The following RPLP2 variants were observed in gnomAD, a reference collection of about 807,000 sequenced individuals.
The protein encoded by RPLP2 is ribosomal protein lateral stalk subunit P2, also known as large ribosomal subunit protein P2.
Under a neutral mutation model 11.5 loss-of-function variants are expected in RPLP2, and 1 was observed. The observed-to-expected ratio is 0.09, with a 90% CI of 0.03 to 0.41. The LOEUF (loss-of-function observed/expected upper bound fraction) is 0.41, where lower values mean the gene tolerates loss of function less well. Ranked by LOEUF, RPLP2 falls within the 10% of genes least tolerant of loss-of-function variation. The pLI is 0.98. For synonymous variants in RPLP2, 82 were observed against 55.9 expected, an observed-to-expected ratio of 1.47 and a Z score of -2.08; for missense variants, 177 against 145.6, an observed-to-expected ratio of 1.22 and a Z score of -1.11.
In RPLP2 at chr11:810,295, A is replaced by G. The variant is rs1266392992; in HGVS notation, c.61A>G (p.Lys21Glu). The G allele has an allele frequency of 1.9e-6, 3 of 1,609,178 alleles. No homozygotes were observed. Among genetic ancestry groups the G allele is most frequent in the East Asian group, 4.5e-5 (2 of 44,410 alleles). ...AGGGGGCAACTCCTCCCCCAGCGCC[A>G]AGGACATCAAGAAGATCTTGGACAG... ...ALGGNSSPSA[K>E]DIKKILDSVG... is the part of the protein sequence containing the mutation. The change falls in exon 2 of 5, where the codon AAG becomes GAG. Residue 21 changes from lysine (K) to glutamate (E), a missense_variant. Coordinates refer to ENST00000321153, the MANE Select transcript of RPLP2 (RefSeq NM_001004.4).
intron 2 of RPLP2, chr11:811,346 A>G (rs1866050211): frequency 1.8e-6 from 1 of 561,726 alleles, no homozygotes; most frequent in Non-Finnish European, 3.2e-6. Context: ...GAAGATACCT[A>G]TGAGTAGTCA....
At chr11:810,871 C>T (rs1269833496) in intron 2 of RPLP2, among the ~76,000 whole-genome samples, 5 of 136,154 alleles carry the variant, frequency 3.7e-5, no homozygotes, top group African/African-American at 7.7e-5. Context: ...CAGTGAGCTG[C>T]GTAAGATTGC....
At chr11:811,569 G>A (rs998591674) in intron 2 of RPLP2, 28 bp from the exon 3 acceptor site, 13 of 1,613,808 alleles carry the variant, frequency 8.1e-6, no homozygotes, top group Non-Finnish European at 1.1e-5. Flanking sequence ...TACATTCCTG[G>A]TAACAGCCCT....
intron 3 of RPLP2, chr11:811,876 C>G (rs548608984): frequency 2.7e-6 from 2 of 751,126 alleles, no homozygotes; most frequent in South Asian, 2.7e-5. Context: ...GGCCCTGCCT[C>G]TTAAGCCTGA....
chr11:812,294 G>C lies in RPLP2; in HGVS notation c.173-241G>C, dbSNP rs576481213. ...AGGGTGGAGGTGGGGAAATTGGGCA[G>C]GCAGGCAGTGTGGGCCTAATTCCTA... On this transcript the variant is annotated intron_variant, in intron 3 of 4. Transcript: ENST00000321153. 3.9e-4 allele frequency: 219 copies of C among 563,800 alleles called. 2 individuals are homozygous for C. In the South Asian group the frequency reaches 4.3e-3, roughly 11 times the overall value. The allele number at this position is 563,800 out of a possible 1,614,324, so 34.9% of individuals were successfully genotyped here.
intron 2 of RPLP2, among the ~76,000 whole-genome samples, chr11:810,860 C>T (rs1263685818): frequency 6.7e-6 from 1 of 148,690 alleles, no homozygotes; most frequent in African/African-American, 2.5e-5. Flanking sequence ...AAGTTTAATA[C>T]CAGTGAGCTG....
At chr11:811,078 G>A (rs561339380) in intron 2 of RPLP2, among the ~76,000 whole-genome samples, 1 of 151,962 alleles carries the variant, frequency 6.6e-6, no homozygotes, top group Admixed American at 6.6e-5. Context: ...TCATGAGGCT[G>A]ATGCGGGAGA....
At chr11:812,146 G>T (rs182326149) in intron 3 of RPLP2, 1 of 381,222 alleles carries the variant, frequency 2.6e-6, no homozygotes, top group Non-Finnish European at 5.0e-6. Flanking sequence ...ATGTGACCAC[G>T]ACAGGGCCAG....
At chr11:810,115 A>G (rs2133832817) in intron 1 of RPLP2, 76 bp downstream of exon 1, 2 of 1,230,700 alleles carry the variant, frequency 1.6e-6, no homozygotes, top group Non-Finnish European at 2.1e-6. Flanking sequence ...GCGGCGGGGT[A>G]TTTTTGGGAC....
chr11:810,244 G>C lies in RPLP2; in HGVS notation c.10G>C (p.Val4Leu), dbSNP rs140116545. Residue 4 changes from valine to leucine, a missense_variant, in exon 2 of 5, where the codon GTC becomes CTC. Val to Leu is a conservative substitution (Grantham distance 32, BLOSUM62 1). Transcript: ENST00000321153. Reference sequence around the variant, plus strand: ...CTCCGCCCGCCTCAGGATGCGCTACGTCGCCTCCTACCTGCTGGCTGCCCT... The same window carrying C: ...CTCCGCCCGCCTCAGGATGCGCTACCTCGCCTCCTACCTGCTGGCTGCCCT... MRY[V>L]ASYLLAALGG... 6.3e-7 allele frequency: 1 copy of C among 1,580,046 alleles called. No homozygotes were observed. Among genetic ancestry groups the C allele is most frequent in the Non-Finnish European group, 8.6e-7 (1 of 1,165,238 alleles).
At chr11:810,548 C>G (rs1490718272) in intron 2 of RPLP2, 191 bp downstream of exon 2, 2 of 475,022 alleles carry the variant, frequency 4.2e-6, no homozygotes, top group Non-Finnish European at 3.7e-6. Context: ...AGTCCCAGTA[C>G]TTTGGGAGGA....
chr11:810,384 G>A, intron 2 of RPLP2, 27 bp downstream of exon 2: 1 of 1,597,684 alleles, frequency 6.3e-7, no homozygotes, highest in South Asian at 1.1e-5. Context: ...CCCCGCAGCC[G>A]CCGTGGGGCC....
Position 810,255 on chromosome 11 carries a change from C to T in RPLP2, c.21C>T (p.Tyr7=), listed in dbSNP as rs759443353. 36 of 1,595,394 alleles carry T rather than the reference C, an allele frequency of 2.3e-5. No homozygotes were observed. The highest frequency in any genetic ancestry group is 3.0e-5 in the Non-Finnish European group (35 of 1,172,814). MRYVAS[Y]LLAALGGNSS... ...TCAGGATGCGCTACGTCGCCTCCTA[C>T]CTGCTGGCTGCCCTAGGGGGCAACT... is the stretch of plus-strand genomic sequence containing the variant. Residue 7 remains tyrosine, a synonymous_variant, in exon 2 of 5, where the codon TAC becomes TAT. Transcript: ENST00000321153.
At position 811,557 on chromosome 11, in the gene RPLP2, C is replaced by T. The variant is rs201483585; in HGVS notation, c.124-40C>T. ...GGAGGGAGAGGGCCGGGGATACAAT[C>T]GTACATTCCTGGTAACAGCCCTGTG... On this transcript the variant is annotated intron_variant, in intron 2 of 4. Transcript: ENST00000321153. 3.1e-5 allele frequency: 50 copies of T among 1,613,334 alleles called. 1 individual carries two copies. The East Asian group carries it at 8.9e-4, about 29-fold the overall frequency.
At chr11:810,452 G>A (rs1053542138) in intron 2 of RPLP2, 95 bp downstream of exon 2, 14 of 1,258,112 alleles carry the variant, frequency 1.1e-5, no homozygotes, top group Non-Finnish European at 1.5e-5. Context: ...GGAGGGTTCG[G>A]GGAGAGGCTC....
At chr11:810,149 C>T (rs944778328) in intron 1 of RPLP2, 85 bp from the exon 2 acceptor site, 7 of 1,368,868 alleles carry the variant, frequency 5.1e-6, no homozygotes, top group Admixed American at 3.5e-5. Context: ...CCGAGCCACG[C>T]GCGGCCTCGC....
chr11:811,611 G>C lies in RPLP2; in HGVS notation c.138G>C (p.Leu46=), dbSNP rs778708486. 1 of 1,614,196 alleles carries C rather than the reference G, an allele frequency of 6.2e-7. No individual in the cohort carries two copies. The highest frequency in any genetic ancestry group is 8.5e-7 in the Non-Finnish European group (1 of 1,180,020). ...DDRLNKVISE[L]NGKNIEDVIA... ...GTCTGCTTCAGGTTATCAGTGAGCT[G>C]AATGGAAAAAACATTGAAGACGTCA... is the stretch of plus-strand genomic sequence containing the variant. Residue 46 remains leucine (L), a synonymous_variant, in exon 3 of 5, where the codon CTG becomes CTC. Transcript: ENST00000321153.
Position 810,293 on chromosome 11 carries a change from C to G in RPLP2, c.59C>G (p.Ala20Gly), listed in dbSNP as rs774923485. ...CTAGGGGGCAACTCCTCCCCCAGCGCCAAGGACATCAAGAAGATCTTGGAC... is the reference window on the plus strand; with the variant it reads ...CTAGGGGGCAACTCCTCCCCCAGCGGCAAGGACATCAAGAAGATCTTGGAC... ...AALGGNSSPS[A>G]KDIKKILDSV... The change falls in exon 2 of 5, where the codon GCC becomes GGC. Residue 20 changes from alanine (A) to glycine (G), a missense_variant. Transcript: ENST00000321153. 6.2e-7 allele frequency: 1 copy of G among 1,608,838 alleles called. No homozygotes were observed. The highest frequency in any genetic ancestry group is 8.5e-7 in the Non-Finnish European group (1 of 1,178,374).
At chr11:810,641 A>G (rs1866005095) in intron 2 of RPLP2, 1 of 268,076 alleles carries the variant, frequency 3.7e-6, no homozygotes, top group Non-Finnish European at 7.1e-6. Flanking sequence ...TAAAAATACA[A>G]AAATTAGCCG....
Sources: gnomAD v4.1 joint callset for allele counts (sites outside exome capture counted in the v4.1 genomes callset) on GRCh38, gnomAD v4.1.1 for gene constraint, MANE v1.5 for transcripts, NCBI Gene and HGNC (gene_info 2026-07-23, HGNC 2026-07-21) for gene names.